Variants in TMEM132E observed in about 807,000 individuals in gnomAD.
TMEM132E encodes the protein transmembrane protein 132E.
A neutral mutation model predicts 78.5 loss-of-function variants in TMEM132E; 49 were observed. The observed-to-expected ratio is 0.62, with a 90% confidence interval of 0.50 to 0.79. The LOEUF (loss-of-function observed/expected upper bound fraction) is 0.79. TMEM132E is among the 30% of genes least tolerant of loss of function. The probability of loss-of-function intolerance (pLI) is 0.00; values close to 1 mark genes in which losing one functional copy is unlikely to be tolerated. For synonymous variants in TMEM132E, 715 were observed against 670.6 expected, an observed-to-expected ratio of 1.07 and a Z score of -1.02; for missense variants, 1,403 against 1,470.9, an observed-to-expected ratio of 0.95 and a Z score of 0.75.
chr17:34,605,838 G>A (rs1015947078), intron 1 of TMEM132E, among the ~76,000 whole-genome samples: 4 of 152,114 alleles, frequency 2.6e-5, no homozygotes, highest in African/African-American at 7.2e-5. Flanking sequence ...CTTTAGAACC[G>A]ACGCTACTTG....
Position 34,638,108 on chromosome 17 carries a change from G to T in TMEM132E, c.3101G>T (p.Gly1034Val), listed in dbSNP as rs776738622. ...EELAYDSVPA[G>V]EEDEEEEEDL... ...CTGGCCTATGACTCGGTGCCCGCGGGCGAAGAGGACGAGGAGGAGGAAGAG... is the reference window on the plus strand; with the variant it reads ...CTGGCCTATGACTCGGTGCCCGCGGTCGAAGAGGACGAGGAGGAGGAAGAG... The change falls in exon 9 of 9, where the codon GGC (glycine) becomes GTC (valine). Residue 1034 changes from glycine (G) to valine (V), a missense_variant. Transcript: ENST00000631683. 1 of 1,601,298 alleles carries T rather than the reference G, an allele frequency of 6.2e-7. No homozygotes were observed. Among genetic ancestry groups the T allele is most frequent in the Admixed American group, 1.7e-5 (1 of 58,454 alleles).
chr17:34,619,352 A>C (rs1454680269), intron 1 of TMEM132E, among the ~76,000 whole-genome samples: 9 of 150,592 alleles, frequency 6.0e-5, no homozygotes, highest in Admixed American at 5.3e-4. Flanking sequence ...AGCTCTTCCT[A>C]CTTAGCGCTA....
chr17:34,613,211 A>ACACACACGCGGG, intron 1 of TMEM132E, among the ~76,000 whole-genome samples: 2 of 115,856 alleles, frequency 1.7e-5, no homozygotes, highest in Admixed American at 2.0e-4. Flanking sequence ...ACACACACAC[A>ACACACACGCGGG]CGCGCGCGCG....
intron 1 of TMEM132E, among the ~76,000 whole-genome samples, chr17:34,605,894 T>C (rs928985598): frequency 6.6e-6 from 1 of 152,166 alleles, no homozygotes; most frequent in Non-Finnish European, 1.5e-5. Context: ...TGCGAGCATG[T>C]TTCCAACCTC....
At chr17:34,583,470 G>A (rs1301354104) in intron 1 of TMEM132E, among the ~76,000 whole-genome samples, 8 of 152,162 alleles carry the variant, frequency 5.3e-5, no homozygotes, top group Admixed American at 1.3e-4. Context: ...ATCTTGCCTG[G>A]GCTGCCCTCC....
chr17:34,601,334 T>C (rs974346909), intron 1 of TMEM132E, among the ~76,000 whole-genome samples: 3 of 152,174 alleles, frequency 2.0e-5, no homozygotes, highest in Admixed American at 6.5e-5. Flanking sequence ...TCCCTCTCCC[T>C]GGGGCAGCCA....
chr17:34,638,446 G>A lies in TMEM132E; in HGVS notation c.*214G>A. On this transcript the variant is annotated 3_prime_UTR_variant, in exon 9 of 9. Transcript: ENST00000631683. The stretch of plus-strand genomic sequence containing the variant: ...CCCTCTTCTGCCCCCTGCAGGTGGA[G>A]GGCTCTTCCTCCAGTGGCTCGTAAG... 2.0e-6 allele frequency: 1 copy of A among 505,810 alleles called. No homozygotes were observed. The highest frequency in any genetic ancestry group is 3.4e-6 in the Non-Finnish European group (1 of 295,646). The allele number at this position is 505,810 out of a possible 1,614,324, so 31.3% of individuals were successfully genotyped here.
chr17:34,635,110 C>A, intron 7 of TMEM132E, 23 bp downstream of exon 7: 1 of 1,582,464 alleles, frequency 6.3e-7, no homozygotes, highest in Non-Finnish European at 8.6e-7. Flanking sequence ...TCTGTCCCAG[C>A]ACAAAGGGGC....
intron 1 of TMEM132E, among the ~76,000 whole-genome samples, chr17:34,590,570 G>A (rs1905835413): frequency 6.6e-6 from 1 of 152,028 alleles, no homozygotes; most frequent in African/African-American, 2.4e-5. Context: ...TAATCAGCCA[G>A]CATCTACTGT....
At chr17:34,632,938 T>G in intron 6 of TMEM132E, 29 bp downstream of exon 6, 1 of 1,612,434 alleles carries the variant, frequency 6.2e-7, no homozygotes, top group Non-Finnish European at 8.5e-7. Flanking sequence ...GGCGGATACT[T>G]GGGAAACTCA....
chr17:34,622,980 G>A (rs1907006605), intron 1 of TMEM132E, among the ~76,000 whole-genome samples: 1 of 152,086 alleles, frequency 6.6e-6, no homozygotes, highest in South Asian at 2.1e-4. Flanking sequence ...CCTAAACAAA[G>A]ATTGATGAGA....
chr17:34,603,632 C>A (rs1422024069), intron 1 of TMEM132E, among the ~76,000 whole-genome samples: 4 of 152,164 alleles, frequency 2.6e-5, no homozygotes, highest in African/African-American at 7.2e-5. Context: ...CCTCAGAGGC[C>A]ATTCCTTCCC....
chr17:34,626,669 GC>G lies in TMEM132E; in HGVS notation c.615del (p.Ala206LeufsTer89). On this transcript the variant is annotated frameshift_variant, in exon 2 of 9. Coordinates refer to ENST00000631683, the MANE Select transcript of TMEM132E (RefSeq NM_001304438.2). LOFTEE classifies it high-confidence loss of function. ...ELPLAWFGPP[A>X]PAAPPTARRK... ...GCCCCTGGCCTGGTTCGGGCCCCCAGCCCCCGCTGCGCCACCCACGGCCCGC... is the reference window on the plus strand; with the variant it reads ...GCCCCTGGCCTGGTTCGGGCCCCCAGCCCCGCTGCGCCACCCACGGCCCGC... The G allele has an allele frequency of 7.1e-7, 1 of 1,410,946 alleles. No homozygotes were observed. Among genetic ancestry groups the G allele is most frequent in the Non-Finnish European group, 9.2e-7 (1 of 1,081,594 alleles). The allele number at this position is 1,410,946 out of a possible 1,614,324, so 87.4% of individuals were successfully genotyped here. A position where few individuals can be genotyped will look rare whatever the true frequency, so the allele number is the denominator to read the frequency against.
chr17:34,626,029 C>A (rs1269771419), intron 1 of TMEM132E, 98 bp from the exon 2 acceptor site: 1 of 1,152,202 alleles, frequency 8.7e-7, no homozygotes, highest in Non-Finnish European at 1.2e-6. Flanking sequence ...GAGTTGGCAG[C>A]CCTCTGTGGG....
At chr17:34,590,098 TG>T (rs1189252287) in intron 1 of TMEM132E, among the ~76,000 whole-genome samples, 6 of 152,164 alleles carry the variant, frequency 3.9e-5, no homozygotes, top group Non-Finnish European at 1.5e-5. Flanking sequence ...CCTGGGGCAT[TG>T]CCAGCCCTCC....
intron 1 of TMEM132E, among the ~76,000 whole-genome samples, chr17:34,600,784 G>A (rs748500114): frequency 1.2e-4 from 19 of 152,136 alleles, no homozygotes; most frequent in Non-Finnish European, 2.1e-4. Flanking sequence ...TGGCCTTTCC[G>A]AGGTGTGCAA....
chr17:34,625,378 G>A (rs1046496373), intron 1 of TMEM132E, among the ~76,000 whole-genome samples: 1 of 152,132 alleles, frequency 6.6e-6, no homozygotes, highest in Admixed American at 6.5e-5. Flanking sequence ...CTGGATCCCT[G>A]GGGACCCTAC....
chr17:34,581,244 G>T (rs1473303682), intron 1 of TMEM132E, 101 bp downstream of exon 1: 40 of 1,098,436 alleles, frequency 3.6e-5, no homozygotes, highest in Non-Finnish European at 4.6e-5. Flanking sequence ...CCCTGGACTC[G>T]CAGCCGCCAC....
intron 6 of TMEM132E, among the ~76,000 whole-genome samples, chr17:34,634,332 T>A (rs565197354): frequency 6.6e-6 from 1 of 152,324 alleles, no homozygotes; most frequent in African/African-American, 2.4e-5. Context: ...TTCCACACCT[T>A]GCTTGGAAAT....
Sources: allele counts gnomAD v4.1 joint callset (sites outside exome capture counted in the v4.1 genomes callset), GRCh38; gene constraint gnomAD v4.1.1; transcripts MANE v1.5; gene names NCBI Gene and HGNC (gene_info 2026-07-23, HGNC 2026-07-21).